The following NDST4 variants were observed in gnomAD, a reference collection of about 807,000 sequenced individuals.
NDST4 encodes the protein N-heparan sulfate sulfotransferase 4.
A neutral mutation model predicts 100.8 loss-of-function variants in NDST4; 63 were observed. The ratio of observed to expected loss-of-function variants is 0.62; its 90% CI spans 0.51 to 0.77. The LOEUF (loss-of-function observed/expected upper bound fraction) is 0.77, where lower values mean the gene tolerates loss of function less well. Among genes scored for constraint, NDST4 ranks in the 30% least tolerant of loss-of-function variants. The probability of loss-of-function intolerance (pLI) is 0.00; values close to 1 mark genes in which losing one functional copy is unlikely to be tolerated. For synonymous variants in NDST4, 377 were observed against 361.8 expected (o/e 1.04, Z -0.48); for missense variants, 943 against 1,018.4 (o/e 0.93, Z 1.01).
chr4:115,062,056 A>G (rs925425163), intron 2 of NDST4, among the ~76,000 whole-genome samples: 4 of 152,084 alleles, frequency 2.6e-5, no homozygotes, highest in African/African-American at 9.7e-5. Flanking sequence ...AATAGTGAGG[A>G]TTAAGAAAAG....
At position 114,970,516 on chromosome 4, in the gene NDST4, G is replaced by A; in HGVS notation, c.1135C>T (p.His379Tyr). ...TGGGGCTGCATGTGGCTCCACATGT[G>A]AGGAAACCACCAGAACTCATCCACA... ...RSVDEFWWFPHMWSHMQPHLF... is the reference protein window; with the variant it reads ...RSVDEFWWFPYMWSHMQPHLF... The change falls in exon 4 of 14, where the codon CAC becomes TAC. Residue 379 changes from histidine (H) to tyrosine (Y), a missense_variant. Coordinates refer to ENST00000264363, the MANE Select transcript of NDST4 (RefSeq NM_022569.3). 1.2e-6 allele frequency: 2 copies of A among 1,613,924 alleles called. No individual in the cohort carries two copies. Among genetic ancestry groups the A allele is most frequent in the Non-Finnish European group, 1.7e-6 (2 of 1,179,838 alleles).
intron 10 of NDST4, among the ~76,000 whole-genome samples, chr4:114,845,063 C>T (rs752595278): frequency 6.6e-6 from 1 of 152,106 alleles, no homozygotes; most frequent in Admixed American, 6.5e-5. Flanking sequence ...GGCTTGGTGG[C>T]TCATGCTTGT....
chr4:114,856,818 A>G (rs1723806040), intron 7 of NDST4, among the ~76,000 whole-genome samples: 1 of 152,224 alleles, frequency 6.6e-6, no homozygotes, highest in Non-Finnish European at 1.5e-5. Context: ...ACAAGCATAC[A>G]AAGTTTTAGG....
intron 6 of NDST4, among the ~76,000 whole-genome samples, chr4:114,884,868 T>A (rs187741160): frequency 2.4e-4 from 37 of 152,230 alleles, no homozygotes; most frequent in Non-Finnish European, 2.9e-5. Flanking sequence ...GCTATTAAAT[T>A]TTTGATTAAA....
intron 4 of NDST4, among the ~76,000 whole-genome samples, chr4:114,946,405 G>A (rs558932682): frequency 5.9e-4 from 90 of 152,198 alleles, no homozygotes; most frequent in Non-Finnish European, 1.0e-3. Context: ...GAAATATGGA[G>A]AAAAATAAAG....
chr4:114,977,134 A>C, intron 3 of NDST4, 53 bp downstream of exon 3: 1 of 1,161,558 alleles, frequency 8.6e-7, no homozygotes, highest in Non-Finnish European at 1.3e-6. Context: ...AATCATTCAA[A>C]ATTTATTTCC....
chr4:115,054,836 T>A (rs1236748286), intron 2 of NDST4, among the ~76,000 whole-genome samples: 2 of 152,112 alleles, frequency 1.3e-5, no homozygotes, highest in Middle Eastern at 3.2e-3. Flanking sequence ...TAGCAGATAG[T>A]TTTATAACAT....
intron 6 of NDST4, among the ~76,000 whole-genome samples, chr4:114,911,393 C>T (rs930685986): frequency 1.2e-4 from 18 of 152,160 alleles, no homozygotes; most frequent in African/African-American, 4.3e-4. Flanking sequence ...ACTTAGCTGT[C>T]TGCCAAACAT....
chr4:114,832,251 T>C (rs1037037479), intron 12 of NDST4, among the ~76,000 whole-genome samples: 1 of 152,212 alleles, frequency 6.6e-6, no homozygotes, highest in African/African-American at 2.4e-5. Context: ...GTTATTTCCA[T>C]GTGTAGGTAA....
rs1278179453 is a variant in NDST4 at position 114,935,206 on chromosome 4, T to C, written c.1536A>G (p.Pro512=). 20 of 1,599,104 alleles carry C rather than the reference T, an allele frequency of 1.3e-5. No individual in the cohort carries two copies. The highest frequency in any genetic ancestry group is 1.7e-5 in the Non-Finnish European group (20 of 1,173,736). ...TAAGGTGCATACATAGAATACATAC[T>C]GGGTTTAGAAGGATTGTGAGAAAAA... The part of the protein sequence containing the change: ...GELFLTILLN[P]ISIFMTHLSN... The change falls in exon 6 of 14, where the codon CCA becomes CCG. Residue 512 remains proline (P), a splice_region_variant and synonymous_variant. Transcript: ENST00000264363.
chr4:114,924,690 G>C (rs866771021), intron 6 of NDST4, among the ~76,000 whole-genome samples: 6 of 152,052 alleles, frequency 3.9e-5, no homozygotes, highest in Admixed American at 3.9e-4. Context: ...CCTGAGTTCC[G>C]GAGAGGGGCT....
rs766399916 is a variant in NDST4, at chr4:114,827,843, C to T, written c.2592G>A (p.Leu864=). 6.2e-7 allele frequency: 1 copy of T among 1,612,040 alleles called. No homozygotes were observed. Among genetic ancestry groups the T allele is most frequent in the South Asian group, 1.1e-5 (1 of 90,832 alleles). Residue 864 remains leucine, a synonymous_variant, in exon 14 of 14, where the codon CTG becomes CTA. Transcript: ENST00000264363. ...HRLGQPLPSW[L]RQELQKVR ...ATCTCACTTTCTGCAGTTCCTGTCT[C>T]AGCCACGATGGCAGAGGCTGTCCCA...
intron 4 of NDST4, among the ~76,000 whole-genome samples, chr4:114,946,614 G>A (rs1192269983): frequency 3.9e-5 from 6 of 152,154 alleles, no homozygotes; most frequent in Non-Finnish European, 8.8e-5. Context: ...AGAATAGCAA[G>A]AATTCTATTG....
intron 2 of NDST4, among the ~76,000 whole-genome samples, chr4:115,059,370 T>A (rs1728769859): frequency 6.6e-6 from 1 of 152,056 alleles, no homozygotes; most frequent in African/African-American, 2.4e-5. Context: ...ATATCTCCTC[T>A]CCACACTGTG....
chr4:114,888,048 C>T (rs1383338886), intron 6 of NDST4, among the ~76,000 whole-genome samples: 4 of 151,826 alleles, frequency 2.6e-5, no homozygotes, highest in Non-Finnish European at 5.9e-5. Flanking sequence ...ACTAAAAATA[C>T]AAAAAACTAG....
chr4:114,913,930 C>T (rs1054048824), intron 6 of NDST4, among the ~76,000 whole-genome samples: 17 of 151,964 alleles, frequency 1.1e-4, no homozygotes, highest in African/African-American at 4.1e-4. Flanking sequence ...CAAATTTTGG[C>T]TACTGTGAAC....
intron 6 of NDST4, among the ~76,000 whole-genome samples, chr4:114,928,627 CATGAGGGTGT>C (rs1231934487): frequency 6.6e-6 from 1 of 152,004 alleles, no homozygotes; most frequent in Non-Finnish European, 1.5e-5. Flanking sequence ...TGGGTGTGTC[CATGAGGGTGT>C]TTTGGGATGA....
intron 1 of NDST4, among the ~76,000 whole-genome samples, chr4:115,112,797 C>T (rs1353590804): frequency 6.6e-6 from 1 of 151,826 alleles, no homozygotes; most frequent in Admixed American, 6.6e-5. Flanking sequence ...TTTCTGTCCT[C>T]CTAGGAAACT....
At chr4:115,082,071 G>A (rs1366103253) in intron 1 of NDST4, among the ~76,000 whole-genome samples, 3 of 152,012 alleles carry the variant, frequency 2.0e-5, no homozygotes, top group African/African-American at 7.2e-5. Context: ...CCCCTGCACA[G>A]GCTTTGATAA....
Sources: allele counts gnomAD v4.1 joint callset (sites outside exome capture counted in the v4.1 genomes callset), GRCh38; gene constraint gnomAD v4.1.1; transcripts MANE v1.5; gene names NCBI Gene and HGNC (gene_info 2026-07-23, HGNC 2026-07-21).